The following MICAL3 variants were observed in gnomAD, a reference collection of about 807,000 sequenced individuals.
MICAL3 encodes microtubule associated monooxygenase, calponin and LIM domain containing 3.
Under a neutral mutation model 207.4 loss-of-function variants are expected in MICAL3, and 62 were observed. The observed-to-expected ratio is 0.30, with a 90% CI of 0.24 to 0.37. The LOEUF is 0.37. MICAL3 is among the 10% of genes least tolerant of loss of function. MICAL3 has a pLI of 1.00. For synonymous variants in MICAL3, 1,077 were observed against 1,069.3 expected (o/e 1.01, Z -0.14); for missense variants, 2,368 against 2,635.6 (o/e 0.90, Z 2.22).
chr22:17,863,593 G>C (rs764916104), intron 19 of MICAL3: 12 of 985,390 alleles, frequency 1.2e-5, no homozygotes, highest in Non-Finnish European at 1.3e-5. Flanking sequence ...CCACCTGCAG[G>C]GTACTTAAAA....
chr22:17,943,776 A>G (rs527605015), intron 1 of MICAL3, among the ~76,000 whole-genome samples: 12 of 152,380 alleles, frequency 7.9e-5, no homozygotes, highest in Admixed American at 5.2e-4. Context: ...ATGCCATGAC[A>G]TCATCAGCCA....
At chr22:17,807,678 C>A (rs1304369774) in intron 29 of MICAL3, among the ~76,000 whole-genome samples, 1 of 152,172 alleles carries the variant, frequency 6.6e-6, no homozygotes, top group Non-Finnish European at 1.5e-5. Context: ...CCTCACTCCC[C>A]ACCACACAAA....
At chr22:17,849,809 C>T (rs1236991211) in intron 19 of MICAL3, among the ~76,000 whole-genome samples, 2 of 150,500 alleles carry the variant, frequency 1.3e-5, no homozygotes, top group Admixed American at 6.6e-5. Context: ...ATTCTCCTTC[C>T]TCAGCCACCC....
chr22:17,914,734 T>C (rs374238919), intron 1 of MICAL3, among the ~76,000 whole-genome samples: 1 of 152,198 alleles, frequency 6.6e-6, no homozygotes, highest in Non-Finnish European at 1.5e-5. Flanking sequence ...CAAATGGCAG[T>C]GAGAGCAGTC....
intron 25 of MICAL3, among the ~76,000 whole-genome samples, chr22:17,821,000 A>ATGTT (rs1188281178): frequency 6.7e-5 from 9 of 134,818 alleles, no homozygotes; most frequent in Non-Finnish European, 1.3e-4. Context: ...TAATAAATTT[A>ATGTT]TATTTATAAA....
chr22:17,864,557 C>T (rs950074930), intron 19 of MICAL3: 2 of 1,449,136 alleles, frequency 1.4e-6, no homozygotes, highest in African/African-American at 2.8e-5. Flanking sequence ...GAGCTCCTGT[C>T]TACCTACACA....
At chr22:17,868,109 G>A (rs1047783715) in intron 17 of MICAL3, among the ~76,000 whole-genome samples, 2 of 152,242 alleles carry the variant, frequency 1.3e-5, no homozygotes, top group South Asian at 2.1e-4. Flanking sequence ...CAATGTGAGC[G>A]CTAAGTGTGA....
In MICAL3 at chr22:17,877,259, T is replaced by G. The variant is rs376477209; in HGVS notation, c.2242-5236A>C. Among the ~76,000 whole-genome samples, 64 of 75,082 alleles carry G rather than the reference T, an allele frequency of 8.5e-4. 4 individuals are homozygous for G. Among genetic ancestry groups the G allele is most frequent in the African/African-American group, 1.2e-3 (16 of 13,206 alleles). The allele number at this position is 75,082 out of a possible 152,430, so 49.3% of individuals were successfully genotyped here. Reference sequence around the variant, plus strand: ...TGGAGGTTAGGGAGGTTAGGGAGGTTAGGGAAGTTATGGAGGTTAGGGAGG... The same window carrying G: ...TGGAGGTTAGGGAGGTTAGGGAGGTGAGGGAAGTTATGGAGGTTAGGGAGG... On this transcript the variant is annotated intron_variant, in intron 16 of 31. Transcript: ENST00000441493.
In MICAL3 at chr22:17,937,928, A is replaced by C. The variant is rs947047337; in HGVS notation, c.-74-31042T>G. On this transcript the variant is annotated intron_variant, in intron 1 of 31. Coordinates refer to ENST00000441493, the MANE Select transcript of MICAL3 (RefSeq NM_015241.3). The stretch of plus-strand genomic sequence containing the variant: ...GCACATATTCTCTTCACCTTCTGGC[A>C]AACAGTTATATTTCAAGGTCAGATG... Among the ~76,000 whole-genome samples, 3 of 152,366 alleles carry C rather than the reference A, an allele frequency of 2.0e-5. 1 individual carries two copies. Among genetic ancestry groups the C allele is most frequent in the Admixed American group, 2.0e-4 (3 of 15,310 alleles).
At chr22:17,872,795 C>T in intron 16 of MICAL3, 1 of 1,613,882 alleles carries the variant, frequency 6.2e-7, no homozygotes, top group Non-Finnish European at 8.5e-7. Context: ...TCCTTTGAAG[C>T]TGATTGGCTA....
chr22:17,811,548 C>G (rs2145991968), intron 27 of MICAL3: 1 of 152,310 alleles, frequency 6.6e-6, no homozygotes, highest in African/African-American at 2.4e-5. Flanking sequence ...CCATCGAGAA[C>G]AGAAGAGGCA....
At chr22:17,925,191 C>T (rs560494931) in intron 1 of MICAL3, among the ~76,000 whole-genome samples, 2 of 152,142 alleles carry the variant, frequency 1.3e-5, no homozygotes, top group Non-Finnish European at 2.9e-5. Context: ...AGGTGAGAGC[C>T]ACAAGCTGTA....
intron 19 of MICAL3, among the ~76,000 whole-genome samples, chr22:17,856,637 C>T (rs1351004105): frequency 1.9e-4 from 20 of 103,580 alleles, no homozygotes; most frequent in Admixed American, 1.4e-4. Flanking sequence ...TTTTTTGAGA[C>T]GGAGTCTCGC....
chr22:17,987,067 A>G (rs762863974), intron 1 of MICAL3, among the ~76,000 whole-genome samples: 1 of 151,872 alleles, frequency 6.6e-6, no homozygotes, highest in African/African-American at 2.4e-5. Flanking sequence ...GCGAGACCCC[A>G]TCTCCACTAA....
At chr22:17,978,971 T>C (rs113777078) in intron 1 of MICAL3, among the ~76,000 whole-genome samples, 7,325 of 147,128 alleles carry the variant, frequency 0.05, 573 homozygotes, top group African/African-American at 0.17. Context: ...AGCCCAGGAG[T>C]TCGAGACCAG....
At chr22:17,833,740 A>G (rs1210702038) in intron 20 of MICAL3, among the ~76,000 whole-genome samples, 1 of 152,174 alleles carries the variant, frequency 6.6e-6, no homozygotes, top group African/African-American at 2.4e-5. Flanking sequence ...TGACCCGGAG[A>G]CTGAGATCAA....
At position 17,891,602 on chromosome 22, in the gene MICAL3, C is replaced by G; in HGVS notation, c.1577G>C (p.Gly526Ala). Residue 526 changes from glycine to alanine, a missense_variant, in exon 12 of 32, where the codon GGT becomes GCT. Around this residue, in one of 4 missense-constraint regions of MICAL3, gnomAD observed 147 missense variants for 137.7 expected, o/e 1.07. Transcript: ENST00000441493. The part of the protein sequence containing the change: ...ESVARSSKLL[G>A]WCQRQTDGYA... ...GCCATCTGTCTGCCTCTGGCACCAA[C>G]CCAGCAGTTTGCTTGAACGAGCTAC... The G allele has an allele frequency of 6.2e-7, 1 of 1,614,010 alleles. No individual in the cohort carries two copies. Among genetic ancestry groups the G allele is most frequent in the Non-Finnish European group, 8.5e-7 (1 of 1,179,880 alleles).
chr22:17,892,481 A>C lies in MICAL3; in HGVS notation c.1547-849T>G, dbSNP rs542340319. ...AGTAATTTGTGAACATAAGCTAAAA[A>C]CCAAGTATCATGAAAATCCTGTTTC... On this transcript the variant is annotated intron_variant, in intron 11 of 31. Coordinates refer to ENST00000441493, the MANE Select transcript of MICAL3 (RefSeq NM_015241.3). Among the ~76,000 whole-genome samples, 6 of 152,344 alleles carry C rather than the reference A, an allele frequency of 3.9e-5. No homozygotes were observed. In the South Asian group the frequency reaches 1.2e-3, roughly 32 times the overall value.
chr22:17,895,146 CAG>C, intron 10 of MICAL3, 136 bp downstream of exon 10: 1 of 828,046 alleles, frequency 1.2e-6, no homozygotes, highest in Non-Finnish European at 1.9e-6. Context: ...TCTACCAATT[CAG>C]AGAGACATCT....
Sources: allele counts gnomAD v4.1 joint callset (sites outside exome capture counted in the v4.1 genomes callset), GRCh38; gene constraint gnomAD v4.1.1; regional missense constraint gnomAD v4.1.1; transcripts MANE v1.5; gene names NCBI Gene and HGNC (gene_info 2026-07-23, HGNC 2026-07-21).